PAK5: variants seen among roughly 807,000 people sequenced by gnomAD.
PAK5 encodes the protein serine/threonine-protein kinase PAK 5.
Under a neutral mutation model 65.9 loss-of-function variants are expected in PAK5, and 16 were observed. The ratio of observed to expected loss-of-function variants is 0.24; its 90% CI spans 0.16 to 0.37. PAK5 has a LOEUF of 0.37. Among genes scored for constraint, PAK5 ranks in the 10% least tolerant of loss-of-function variants. PAK5 has a pLI of 1.00. For missense variants in PAK5, 785 were observed against 903.9 expected (o/e 0.87, Z 1.69); for synonymous variants, 371 against 354.9 (o/e 1.05, Z -0.51).
chr20:9,723,926 T>C (rs1314330346), intron 1 of PAK5, among the ~76,000 whole-genome samples: 1 of 152,190 alleles, frequency 6.6e-6, no homozygotes, highest in Non-Finnish European at 1.5e-5. Flanking sequence ...TTATGTAGCA[T>C]TTTCATGGCA....
chr20:9,822,778 A>G (rs1224151333), intron 1 of PAK5, among the ~76,000 whole-genome samples: 1 of 152,192 alleles, frequency 6.6e-6, no homozygotes, highest in Non-Finnish European at 1.5e-5. Context: ...GGGCTTTTCC[A>G]TATCATGGGA....
At position 9,838,148 on chromosome 20, in the gene PAK5, TTCTC is replaced by T. The variant is rs149481028; in HGVS notation, c.-162+610_-162+613del. Reference sequence around the variant, plus strand: ...TCACAAGGGTGCCCACAAGCAGAAGTTCTCTCTCTGTCTCTCCATTACAACCCAC... The same window carrying T: ...TCACAAGGGTGCCCACAAGCAGAAGTTCTCTGTCTCTCCATTACAACCCAC... On this transcript the variant is annotated intron_variant, in intron 1 of 9. Coordinates refer to ENST00000353224, the MANE Select transcript of PAK5 (RefSeq NM_177990.4). The surrounding 1 kb of genome is among the most constrained non-coding windows in gnomAD (Gnocchi z 4.5). Among the ~76,000 whole-genome samples, 1,285 of 151,466 alleles carry T rather than the reference TTCTC, an allele frequency of 8.5e-3. 24 individuals are homozygous for T. The highest frequency in any genetic ancestry group is 0.03 in the African/African-American group (1,225 of 41,250).
At chr20:9,626,983 G>C (rs1214072329) in intron 3 of PAK5, among the ~76,000 whole-genome samples, 1 of 152,012 alleles carries the variant, frequency 6.6e-6, no homozygotes, top group Non-Finnish European at 1.5e-5. Context: ...AAAAAAGACA[G>C]GTCTTTATTT....
intron 1 of PAK5, among the ~76,000 whole-genome samples, chr20:9,778,375 C>A (rs2048907524): frequency 1.3e-5 from 2 of 152,084 alleles, no homozygotes; most frequent in African/African-American, 4.8e-5. Flanking sequence ...GTGGCTAGGA[C>A]TACAGGTGCA....
At chr20:9,824,020 T>C (rs775019802) in intron 1 of PAK5, among the ~76,000 whole-genome samples, 3 of 152,210 alleles carry the variant, frequency 2.0e-5, no homozygotes, top group African/African-American at 7.2e-5. Flanking sequence ...TTAAATGAGA[T>C]AGTGTTTACA....
intron 1 of PAK5, among the ~76,000 whole-genome samples, chr20:9,801,045 T>C (rs1316170571): frequency 6.6e-6 from 1 of 152,158 alleles, no homozygotes; most frequent in African/African-American, 2.4e-5. Context: ...TCCAGTTCAC[T>C]CTCACATGCT....
At chr20:9,679,138 A>G (rs970796681) in intron 2 of PAK5, among the ~76,000 whole-genome samples, 1 of 152,200 alleles carries the variant, frequency 6.6e-6, no homozygotes, top group African/African-American at 2.4e-5. Flanking sequence ...ACTTCCACTT[A>G]ATGAATAGTA....
At chr20:9,557,164 G>T (rs145745023) in intron 7 of PAK5, among the ~76,000 whole-genome samples, 3 of 152,072 alleles carry the variant, frequency 2.0e-5, no homozygotes, top group Admixed American at 2.0e-4. Context: ...ATCTGCCCAC[G>T]CTTTTGTAAA....
At position 9,738,618 on chromosome 20, in the gene PAK5, C is replaced by T. The variant is rs575194240; in HGVS notation, c.-161-27183G>A. On this transcript the variant is annotated intron_variant, in intron 1 of 9. Transcript: ENST00000353224. ...TAAAATTCTAGGAAATGCAACTTAA[C>T]ATACAGTGTCAGAAAGAAGATCAGT... Among the ~76,000 whole-genome samples the T allele has an allele frequency of 1.2e-4, 19 of 152,226 alleles. No individual in the cohort carries two copies. The South Asian group carries it at 3.7e-3, about 30-fold the overall frequency.
intron 1 of PAK5, among the ~76,000 whole-genome samples, chr20:9,767,888 TGTG>T (rs1439541033): frequency 6.6e-6 from 1 of 152,090 alleles, no homozygotes; most frequent in East Asian, 1.9e-4. Flanking sequence ...ATAAAGAAAA[TGTG>T]GTACATCTGC....
At chr20:9,583,268 C>A (rs1220404763) in intron 3 of PAK5, among the ~76,000 whole-genome samples, 6 of 152,194 alleles carry the variant, frequency 3.9e-5, no homozygotes, top group African/African-American at 1.4e-4. Context: ...CCACATAATT[C>A]ATTCTTGCCA....
chr20:9,706,222 C>G (rs548410347), intron 2 of PAK5, among the ~76,000 whole-genome samples: 2 of 152,292 alleles, frequency 1.3e-5, no homozygotes, highest in Admixed American at 1.3e-4. Flanking sequence ...GACCATAAGT[C>G]AAACTCTTCA....
At chr20:9,613,863 T>C (rs1186040327) in intron 3 of PAK5, among the ~76,000 whole-genome samples, 1 of 152,156 alleles carries the variant, frequency 6.6e-6, no homozygotes, top group Admixed American at 6.5e-5. Flanking sequence ...ATCACAGGGC[T>C]ATGGAACCCT....
chr20:9,778,635 C>A (rs1392741804), intron 1 of PAK5, among the ~76,000 whole-genome samples: 2 of 152,114 alleles, frequency 1.3e-5, no homozygotes, highest in Non-Finnish European at 2.9e-5. Context: ...TGATAGTTCA[C>A]CCTCTCCATA....
chr20:9,638,184 G>T (rs192406987), intron 3 of PAK5, among the ~76,000 whole-genome samples: 3 of 152,286 alleles, frequency 2.0e-5, no homozygotes, highest in Admixed American at 1.3e-4. Context: ...CATTCAACCT[G>T]CCCTTTACAT....
At chr20:9,791,543 CTT>C (rs2049050240) in intron 1 of PAK5, among the ~76,000 whole-genome samples, 2 of 152,226 alleles carry the variant, frequency 1.3e-5, no homozygotes, top group South Asian at 4.1e-4. Flanking sequence ...TCTCTGATGA[CTT>C]TTCTCTGACC....
rs7267576 is a variant in PAK5 at position 9,553,469 on chromosome 20, T to G, written c.1743+4139A>C. 8.3e-3 allele frequency among the ~76,000 whole-genome samples: 1,259 copies of G among 152,308 alleles called. 14 individuals carry two copies. The highest frequency in any genetic ancestry group is 0.028 in the African/African-American group (1,148 of 41,566). ...GTACCATCAGCACAGGACTTCCTGG[T>G]GCTGTTCTTTACAGACACATTCCCA... On this transcript the variant is annotated intron_variant, in intron 7 of 9. Coordinates refer to ENST00000353224, the MANE Select transcript of PAK5 (RefSeq NM_177990.4).
intron 1 of PAK5, among the ~76,000 whole-genome samples, chr20:9,721,149 G>C (rs1237378136): frequency 6.6e-6 from 1 of 152,068 alleles, no homozygotes; most frequent in African/African-American, 2.4e-5. Flanking sequence ...TGTAAAAATT[G>C]GTACCTGGTC....
At chr20:9,741,905 A>G (rs1214222601) in intron 1 of PAK5, among the ~76,000 whole-genome samples, 4 of 152,100 alleles carry the variant, frequency 2.6e-5, no homozygotes, top group Non-Finnish European at 5.9e-5. Context: ...CCTGTCTTGA[A>G]AGCAATACTT....
Sources: gnomAD v4.1 joint callset for allele counts (sites outside exome capture counted in the v4.1 genomes callset) on GRCh38, gnomAD v4.1.1 for gene constraint, Gnocchi (gnomAD v3.1) non-coding constraint, MANE v1.5 for transcripts, NCBI Gene and HGNC (gene_info 2026-07-23, HGNC 2026-07-21) for gene names.